PDS5B: variants seen among roughly 807,000 people sequenced by gnomAD.
PDS5B encodes sister chromatid cohesion protein PDS5 homolog B.
PDS5B carries 51 observed loss-of-function variants against 184.1 expected under a neutral mutation model. The ratio of observed to expected loss-of-function variants is 0.28; its 90% CI spans 0.22 to 0.35. The LOEUF (loss-of-function observed/expected upper bound fraction) is 0.35. PDS5B is among the 10% of genes least tolerant of loss of function. The pLI is 1.00. For missense variants in PDS5B, 1,180 were observed against 1,723.3 expected (o/e 0.68, Z 5.58); for synonymous variants, 566 against 569.2 (o/e 0.99, Z 0.08).
At chr13:32,756,246 C>T (rs2141005158) in intron 26 of PDS5B, among the ~76,000 whole-genome samples, 1 of 152,186 alleles carries the variant, frequency 6.6e-6, no homozygotes, top group South Asian at 2.1e-4. Context: ...CATTTCTTAT[C>T]TTTTCCTTCT....
chr13:32,606,886 A>C (rs1260729805), intron 1 of PDS5B, among the ~76,000 whole-genome samples: 1 of 152,160 alleles, frequency 6.6e-6, no homozygotes, highest in Non-Finnish European at 1.5e-5. Flanking sequence ...TTCATCACGT[A>C]GTTCTCGTGC....
At chr13:32,667,545 A>C (rs1024183263) in intron 6 of PDS5B, among the ~76,000 whole-genome samples, 1 of 152,214 alleles carries the variant, frequency 6.6e-6, no homozygotes, top group African/African-American at 2.4e-5. Context: ...TGTTATGAAC[A>C]AAATAGGAAG....
At chr13:32,671,011 A>G (rs1461823098) in intron 7 of PDS5B, among the ~76,000 whole-genome samples, 1 of 152,242 alleles carries the variant, frequency 6.6e-6, no homozygotes, top group Non-Finnish European at 1.5e-5. Flanking sequence ...CGCTTTTGTA[A>G]ATGAAAGAAT....
intron 19 of PDS5B, among the ~76,000 whole-genome samples, chr13:32,716,596 G>A (rs79017576): frequency 0.3 from 44,035 of 146,396 alleles, 7,887 homozygotes; most frequent in Non-Finnish European, 0.42. Flanking sequence ...CAGGCCAGCC[G>A]CCCCATCCGG....
rs545088646 is a variant in PDS5B, at chr13:32,660,985, AT to A, written c.624+1710del. Among the ~76,000 whole-genome samples the A allele has an allele frequency of 4.6e-5, 7 of 152,346 alleles. No homozygotes were observed. The East Asian group carries it at 1.3e-3, about 29-fold the overall frequency. The stretch of plus-strand genomic sequence containing the variant: ...ACACTGAATAAAACATTCTGACAAA[AT>A]TTTTAAAAAAAATTATAAATACTCT... On this transcript the variant is annotated intron_variant, in intron 6 of 34. Coordinates refer to ENST00000315596, the MANE Select transcript of PDS5B (RefSeq NM_015032.4).
intron 31 of PDS5B, among the ~76,000 whole-genome samples, chr13:32,768,947 C>CAAAAAAAAAAAA (rs770324221): frequency 6.0e-4 from 51 of 84,476 alleles, no homozygotes; most frequent in African/African-American, 8.2e-4. Flanking sequence ...TAAAAAAATA[C>CAAAAAAAAAAAA]AAAAAAAAAA....
chr13:32,679,712 A>G (rs1028093930), intron 10 of PDS5B, among the ~76,000 whole-genome samples: 2 of 152,202 alleles, frequency 1.3e-5, no homozygotes, highest in Middle Eastern at 3.4e-3. Flanking sequence ...TTTTTGGGAG[A>G]CATCCCACTT....
At chr13:32,678,784 T>TG (rs1160596601) in intron 9 of PDS5B, 51 bp from the exon 10 acceptor site, 1 of 994,986 alleles carries the variant, frequency 1.0e-6, no homozygotes, top group Non-Finnish European at 1.6e-6. Context: ...ATTTAACACA[T>TG]GTCTGTTTCT....
At chr13:32,747,172 T>C (rs575957119) in intron 24 of PDS5B, among the ~76,000 whole-genome samples, 6 of 152,222 alleles carry the variant, frequency 3.9e-5, no homozygotes, top group Non-Finnish European at 8.8e-5. Flanking sequence ...TTTAGCATCA[T>C]TGAGAAAAGT....
intron 34 of PDS5B, among the ~76,000 whole-genome samples, chr13:32,774,556 TGA>T (rs1247572444): frequency 1.3e-5 from 2 of 152,206 alleles, no homozygotes; most frequent in African/African-American, 2.4e-5. Flanking sequence ...TGTCAGCAAA[TGA>T]TAATATGTTT....
chr13:32,754,395 G>A (rs1241430277), intron 25 of PDS5B, among the ~76,000 whole-genome samples: 1 of 152,054 alleles, frequency 6.6e-6, no homozygotes, highest in Non-Finnish European at 1.5e-5. Flanking sequence ...TATGAAATCT[G>A]TGTTTCATTT....
At chr13:32,609,348 A>AT (rs757506432) in intron 1 of PDS5B, among the ~76,000 whole-genome samples, 1,661 of 148,680 alleles carry the variant, frequency 0.011, 30 homozygotes, top group African/African-American at 0.031. Flanking sequence ...ATATACAGAG[A>AT]TTTTTTTTTT....
chr13:32,714,899 A>G (rs938898671), intron 19 of PDS5B, among the ~76,000 whole-genome samples: 8 of 152,254 alleles, frequency 5.3e-5, no homozygotes, highest in South Asian at 2.1e-4. Flanking sequence ...AAAGACAGGC[A>G]TAGGAAATCA....
chr13:32,726,694 A>G (rs1428295217), intron 19 of PDS5B, among the ~76,000 whole-genome samples: 5 of 151,990 alleles, frequency 3.3e-5, no homozygotes, highest in Admixed American at 1.3e-4. Context: ...CTTTGGTCCT[A>G]GTGTTTGTAA....
At chr13:32,670,728 A>G (rs1346575916) in intron 7 of PDS5B, among the ~76,000 whole-genome samples, 3 of 152,212 alleles carry the variant, frequency 2.0e-5, no homozygotes, top group African/African-American at 7.2e-5. Context: ...ATTTTAGGAT[A>G]TGGCAAAAAA....
chr13:32,687,125 G>T lies in PDS5B; in HGVS notation c.1204-9G>T. 2 of 1,578,502 alleles carry T rather than the reference G, an allele frequency of 1.3e-6. No homozygotes were observed. The highest frequency in any genetic ancestry group is 2.3e-5 in the East Asian group (1 of 44,068). ...TTTTACATTATAAATAAAACTTTTT[G>T]TTTTTAAGTGGAGAGTACGCAAAGA... On this transcript the variant is annotated splice_polypyrimidine_tract_variant and intron_variant, in intron 11 of 34. Transcript: ENST00000315596.
intron 29 of PDS5B, 83 bp downstream of exon 29, chr13:32,759,773 C>T (rs982861951): frequency 6.3e-6 from 4 of 634,824 alleles, no homozygotes; most frequent in African/African-American, 3.7e-5. Flanking sequence ...TTTTGTATTT[C>T]TTCAAAAATT....
At chr13:32,647,320 G>T (rs971366945) in intron 1 of PDS5B, among the ~76,000 whole-genome samples, 3 of 152,086 alleles carry the variant, frequency 2.0e-5, no homozygotes, top group Admixed American at 1.3e-4. Flanking sequence ...GAGACAGGTG[G>T]AATGCAGTGG....
chr13:32,720,006 G>A (rs1341124824), intron 19 of PDS5B, among the ~76,000 whole-genome samples: 2 of 151,998 alleles, frequency 1.3e-5, no homozygotes, highest in East Asian at 1.9e-4. Context: ...CCATGTGGGC[G>A]GGGCTGGTCT....
Sources: allele counts gnomAD v4.1 joint callset (sites outside exome capture counted in the v4.1 genomes callset), GRCh38; gene constraint gnomAD v4.1.1; transcripts MANE v1.5; gene names NCBI Gene and HGNC (gene_info 2026-07-23, HGNC 2026-07-21).